Variants in OR5H15 observed in about 807,000 individuals in gnomAD.
OR5H15 encodes olfactory receptor 5H15.
For synonymous variants in OR5H15, 153 were observed against 129.1 expected, an observed-to-expected ratio of 1.19 and a Z score of -1.26; for missense variants, 405 against 366.1, an observed-to-expected ratio of 1.11 and a Z score of -0.87.
chr3:98,167,783 G>T (rs1708740918), intron 1 of OR5H15, among the ~76,000 whole-genome samples: 1 of 152,000 alleles, frequency 6.6e-6, no homozygotes, highest in Admixed American at 6.6e-5. Context: ...TTGTCCAGAT[G>T]ATGCTCACTC....
intron 1 of OR5H15, 127 bp from the exon 2 acceptor site, chr3:98,168,555 T>G: frequency 9.7e-7 from 1 of 1,028,820 alleles, no homozygotes; most frequent in Non-Finnish European, 1.4e-6. Flanking sequence ...AATTCATCAG[T>G]TGTAGGACTG....
rs62266797 is a variant in OR5H15 at position 98,169,156 on chromosome 3, A to C, written c.457A>C (p.Ile153Leu). 5.0e-5 allele frequency: 81 copies of C among 1,613,542 alleles called. No homozygotes were observed. The African/African-American group carries it at 5.7e-4, about 11-fold the overall frequency. Reference protein sequence around the residue: ...RLLILSYIAGILHALIHEGFL... With the variant: ...RLLILSYIAGLLHALIHEGFL... ...ATTAATCTTGTCATATATAGCTGGT[A>C]TTCTTCATGCTTTAATCCATGAAGG... Residue 153 changes from isoleucine (I) to leucine (L), a missense_variant, in exon 2 of 2, where the codon ATT (isoleucine) becomes CTT (leucine). Coordinates refer to ENST00000641450, the MANE Select transcript of OR5H15 (RefSeq NM_001005515.2).
chr3:98,168,411 C>T (rs535453840), intron 1 of OR5H15, among the ~76,000 whole-genome samples: 2 of 152,158 alleles, frequency 1.3e-5, no homozygotes, highest in Admixed American at 1.3e-4. Context: ...CACAATTTTT[C>T]TACTGCACTC....
At position 98,169,029 on chromosome 3, in the gene OR5H15, A is replaced by G. The variant is rs753018996; in HGVS notation, c.330A>G (p.Thr110=). The change falls in exon 2 of 2, where the codon ACA becomes ACG. Residue 110 remains threonine, a synonymous_variant. Transcript: ENST00000641450. ...QFFSIAIGVT[T]ECFLLATMAY... is the part of the protein sequence containing the mutation. ...TTTCCATTGCAATTGGCGTAACCAC[A>G]GAATGTTTTCTCTTGGCAACAATGG... 7.1e-5 allele frequency: 114 copies of G among 1,613,538 alleles called. No individual in the cohort carries two copies. The highest frequency in any genetic ancestry group is 8.6e-5 in the Non-Finnish European group (102 of 1,179,674).
chr3:98,167,575 A>G (rs926145100), intron 1 of OR5H15, among the ~76,000 whole-genome samples: 4 of 151,914 alleles, frequency 2.6e-5, no homozygotes, highest in Non-Finnish European at 5.9e-5. Context: ...CATCTTGGCC[A>G]TTTACAGGAC....
chr3:98,166,799 TA>T lies in OR5H15; in HGVS notation c.-48del, dbSNP rs1250206664. 7 of 152,178 alleles carry T rather than the reference TA, an allele frequency of 4.6e-5. No individual in the cohort carries two copies. The highest frequency in any genetic ancestry group is 1.0e-4 in the Non-Finnish European group (7 of 68,020). 9.4% of individuals were successfully genotyped at this position (152,178 alleles called of 1,614,324 possible). A position where few individuals can be genotyped will look rare whatever the true frequency, so the allele number is the denominator to read the frequency against. On this transcript the variant is annotated 5_prime_UTR_variant, in exon 1 of 2. An upstream open reading frame in the 5' UTR gains an earlier in-frame stop. Transcript: ENST00000641450. ...TCGGTTTTAGAAGGCGTAACACATTTAAAGGATATCCACAATTTCCTTCAAA... is the reference window on the plus strand; with the variant it reads ...TCGGTTTTAGAAGGCGTAACACATTTAAGGATATCCACAATTTCCTTCAAA...
rs775267841 is a variant in OR5H15 at position 98,169,482 on chromosome 3, C to T, written c.783C>T (p.Gly261=). The T allele has an allele frequency of 1.9e-6, 3 of 1,613,040 alleles. No homozygotes were observed. Among genetic ancestry groups the T allele is most frequent in the East Asian group, 2.2e-5 (1 of 44,816 alleles). Residue 261 remains glycine, a synonymous_variant, in exon 2 of 2, where the codon GGC becomes GGT. Transcript: ENST00000641450. ...GCCCCCTTCTCTTAATGTATGTGGG[C>T]CCTGCATCTCCGCAAGCAGATGGTC... is the stretch of plus-strand genomic sequence containing the variant. ...YYGPLLLMYV[G]PASPQADGQN...
At position 98,168,970 on chromosome 3, in the gene OR5H15, A is replaced by T; in HGVS notation, c.271A>T (p.Met91Leu). ...GAATAACTTCTTAGCTAAGAGTAAG[A>T]TGATATCTCTCTCTGAATGCAAGAT... ...MLNNFLAKSK[M>L]ISLSECKIQF... The change falls in exon 2 of 2, where the codon ATG becomes TTG. Residue 91 changes from methionine to leucine, a missense_variant. Transcript: ENST00000641450. 1 of 1,613,594 alleles carries T rather than the reference A, an allele frequency of 6.2e-7. No homozygotes were observed. The highest frequency in any genetic ancestry group is 1.1e-5 in the South Asian group (1 of 91,066).
Position 98,169,504 on chromosome 3 carries a change from G to T in OR5H15, c.805G>T (p.Gly269Cys). ...GGGCCCTGCATCTCCGCAAGCAGAT[G>T]GTCAAAATATGGTGGAGCCTCTATT... ...YVGPASPQAD[G>C]QNMVEPLFYT... Residue 269 changes from glycine to cysteine, a missense_variant, in exon 2 of 2, where the codon GGT becomes TGT. Gly to Cys is a radical substitution (Grantham distance 159). Transcript: ENST00000641450. The T allele has an allele frequency of 6.2e-7, 1 of 1,613,436 alleles. No homozygotes were observed. The highest frequency in any genetic ancestry group is 8.5e-7 in the Non-Finnish European group (1 of 1,179,630).
In OR5H15 at chr3:98,168,698, A is replaced by G. The variant is rs1708755089; in HGVS notation, c.-2A>G. On this transcript the variant is annotated 5_prime_UTR_variant, in exon 2 of 2. Transcript: ENST00000641450. The stretch of plus-strand genomic sequence containing the variant: ...TTATTTTAGAGGACATGCAGTGAGG[A>G]CATGGAAGAGGAAAATGCAACATTG... The G allele has an allele frequency of 6.2e-7, 1 of 1,612,458 alleles. No homozygotes were observed. Among genetic ancestry groups the G allele is most frequent in the Admixed American group, 1.7e-5 (1 of 59,890 alleles).
rs62266798 is a variant in OR5H15 at position 98,169,216 on chromosome 3, A to G, written c.517A>G (p.Ile173Val). The G allele has an allele frequency of 6.2e-7, 1 of 1,612,208 alleles. No individual in the cohort carries two copies. Among genetic ancestry groups the G allele is most frequent in the Non-Finnish European group, 8.5e-7 (1 of 1,178,746 alleles). ...CAGACTAACCTTCTGTAACTCCAAC[A>G]TAGTACATCACATTTACTGTGACAC... is the stretch of plus-strand genomic sequence containing the variant. ...LFRLTFCNSNIVHHIYCDTIP... is the reference protein window; with the variant it reads ...LFRLTFCNSNVVHHIYCDTIP... Residue 173 changes from isoleucine to valine, a missense_variant, in exon 2 of 2, where the codon ATA becomes GTA. Physicochemically the swap from Ile to Val is conservative, Grantham distance 29. Transcript: ENST00000641450.
rs1708778506 is a variant in OR5H15 at position 98,169,538 on chromosome 3, T to C, written c.839T>C (p.Val280Ala). The C allele has an allele frequency of 2.5e-6, 4 of 1,613,008 alleles. No homozygotes were observed. Among genetic ancestry groups the C allele is most frequent in the Non-Finnish European group, 3.4e-6 (4 of 1,179,194 alleles). ...ATGGTGGAGCCTCTATTCTACACTG[T>C]CATCATTCCTTTGTTAAATCCTATC... ...QNMVEPLFYTVIIPLLNPIIY... is the reference protein window; with the variant it reads ...QNMVEPLFYTAIIPLLNPIIY... The change falls in exon 2 of 2, where the codon GTC becomes GCC. Residue 280 changes from valine (V) to alanine (A), a missense_variant. Coordinates refer to ENST00000641450, the MANE Select transcript of OR5H15 (RefSeq NM_001005515.2).
At chr3:98,167,905 G>T (rs1708741861) in intron 1 of OR5H15, among the ~76,000 whole-genome samples, 2 of 152,018 alleles carry the variant, frequency 1.3e-5, no homozygotes, top group African/African-American at 4.8e-5. Context: ...ATATGTCACA[G>T]AATACTAGAG....
At position 98,169,669 on chromosome 3, in the gene OR5H15, C is replaced by A; in HGVS notation, c.*28C>A. ...TCCTTTTTCTATTTACTAAAATAGT[C>A]ACAAAATTACGCAAGTTAGAGGTAC... On this transcript the variant is annotated 3_prime_UTR_variant, in exon 2 of 2. Coordinates refer to ENST00000641450, the MANE Select transcript of OR5H15 (RefSeq NM_001005515.2). 1 of 1,492,162 alleles carries A rather than the reference C, an allele frequency of 6.7e-7. No individual in the cohort carries two copies. The highest frequency in any genetic ancestry group is 1.2e-5 in the South Asian group (1 of 85,492). 92.4% of individuals were successfully genotyped at this position (1,492,162 alleles called of 1,614,324 possible).
Position 98,168,939 on chromosome 3 carries a change from G to T in OR5H15, c.240G>T (p.Lys80Asn). Residue 80 changes from lysine to asparagine, a missense_variant, in exon 2 of 2, where the codon AAG (lysine) becomes AAT (asparagine). Lys to Asn is a moderately conservative substitution (Grantham distance 94). Coordinates refer to ENST00000641450, the MANE Select transcript of OR5H15 (RefSeq NM_001005515.2). ...DAWISSTVTP[K>N]MLNNFLAKSK... ...GGATATCATCCACAGTGACCCCAAA[G>T]ATGCTGAATAACTTCTTAGCTAAGA... is the stretch of plus-strand genomic sequence containing the variant. The T allele has an allele frequency of 6.2e-7, 1 of 1,613,516 alleles. No individual in the cohort carries two copies.
chr3:98,169,631 T>C lies in OR5H15; in HGVS notation c.932T>C (p.Val311Ala), dbSNP rs1708780220. ...FIKMLKRNVK[V>A]SY is the part of the protein sequence containing the mutation. The stretch of plus-strand genomic sequence containing the variant: ...AAAATGTTAAAAAGAAATGTTAAGG[T>C]TTCATACTAATATCCTTTTTCTATT... Residue 311 changes from valine (V) to alanine (A), a missense_variant, in exon 2 of 2, where the codon GTT becomes GCT. Transcript: ENST00000641450. 1 of 1,581,838 alleles carries C rather than the reference T, an allele frequency of 6.3e-7. No individual in the cohort carries two copies. Among genetic ancestry groups the C allele is most frequent in the Admixed American group, 1.7e-5 (1 of 59,086 alleles).
intron 1 of OR5H15, among the ~76,000 whole-genome samples, chr3:98,168,026 A>T (rs571047576): frequency 4.5e-4 from 69 of 152,184 alleles, no homozygotes; most frequent in African/African-American, 1.5e-3. Context: ...CCTGGAGGGT[A>T]TTTTCAAAAT....
chr3:98,166,958 TCTGA>T (rs759656055), intron 1 of OR5H15, 127 bp downstream of exon 1: 7 of 152,122 alleles, frequency 4.6e-5, no homozygotes, highest in Non-Finnish European at 7.4e-5. Flanking sequence ...TTTGGATAAC[TCTGA>T]CTGGATTATT....
In OR5H15 at chr3:98,166,734, C is replaced by T. The variant is rs1228118830; in HGVS notation, c.-116C>T. ...AAAAGCATGAGTACGTAATGAATGG[C>T]TACCTGTGTTATTGACATTGCTGTG... On this transcript the variant is annotated 5_prime_UTR_variant, in exon 1 of 2. Transcript: ENST00000641450. 6.6e-6 allele frequency: 1 copy of T among 152,120 alleles called. No individual in the cohort carries two copies. Among genetic ancestry groups the T allele is most frequent in the South Asian group, 2.1e-4 (1 of 4,826 alleles). 9.4% of individuals were successfully genotyped at this position (152,120 alleles called of 1,614,324 possible). A position where few individuals can be genotyped will look rare whatever the true frequency, so the allele number is the denominator to read the frequency against.
Sources: allele counts gnomAD v4.1 joint callset (sites outside exome capture counted in the v4.1 genomes callset), GRCh38; gene constraint gnomAD v4.1.1; transcripts MANE v1.5; gene names NCBI Gene and HGNC (gene_info 2026-07-23, HGNC 2026-07-21).